Variants in TRMT61B observed in about 807,000 individuals in gnomAD.
TRMT61B encodes tRNA (adenine(58)-N(1))-methyltransferase, mitochondrial.
A neutral mutation model predicts 52.0 loss-of-function variants in TRMT61B; 56 were observed. The observed-to-expected ratio is 1.08, with a 90% CI of 0.87 to 1.35. TRMT61B has a LOEUF of 1.35. Ranked by LOEUF, TRMT61B falls within the 40% of genes most tolerant of loss-of-function variation. The pLI, the probability that TRMT61B is intolerant of heterozygous loss-of-function variation, is 0.00. For missense variants in TRMT61B, 650 were observed against 577.9 expected, an observed-to-expected ratio of 1.12 and a Z score of -1.28; for synonymous variants, 206 against 220.0, an observed-to-expected ratio of 0.94 and a Z score of 0.56.
intron 2 of TRMT61B, among the ~76,000 whole-genome samples, chr2:28,862,204 C>CAA (rs66527180): frequency 5.0e-3 from 326 of 64,964 alleles, no homozygotes; most frequent in Middle Eastern, 8.2e-3. Context: ...GACTCCGTCT[C>CAA]AAAAAAAAAA....
rs1178788518 is a variant in TRMT61B, at chr2:28,861,127, T to C, written c.984A>G (p.Thr328=). 6.3e-7 allele frequency: 1 copy of C among 1,599,564 alleles called. No homozygotes were observed. Among genetic ancestry groups the C allele is most frequent in the East Asian group, 2.2e-5 (1 of 44,630 alleles). The change falls in exon 3 of 7, where the codon ACA becomes ACG. Residue 328 remains threonine (T), a synonymous_variant. Transcript: ENST00000306108. ...SGATEDIKSL[T]FDAVALDMLN... is the part of the protein sequence containing the mutation. ...ACGTTAGAAAACTTACTGCGTCAAA[T>C]GTTAAAGATTTTATGTCTTCGGTTG...
chr2:28,861,754 C>A (rs1005672336), intron 2 of TRMT61B, among the ~76,000 whole-genome samples: 1 of 152,224 alleles, frequency 6.6e-6, no homozygotes, highest in East Asian at 1.9e-4. Flanking sequence ...AATTCTTATA[C>A]CTAAGTCTTT....
intron 1 of TRMT61B, among the ~76,000 whole-genome samples, chr2:28,868,781 G>A (rs1669955818): frequency 6.6e-6 from 1 of 152,238 alleles, no homozygotes; most frequent in Non-Finnish European, 1.5e-5. Context: ...GGGAGGCCGA[G>A]GTGGGCGGAT....
At chr2:28,859,825 T>A (rs745701277) in intron 3 of TRMT61B, among the ~76,000 whole-genome samples, 2 of 152,168 alleles carry the variant, frequency 1.3e-5, no homozygotes, top group African/African-American at 2.4e-5. Flanking sequence ...GACATTCCTA[T>A]GGATGACCTA....
rs1449919596 is a variant in TRMT61B, at chr2:28,851,074, T to G, written c.1310A>C (p.His437Pro). ...VKGELFQEDD[H>P]EESHSDFPYG... ...CATAAAGTAAAACTGAAGCTCACCA[T>G]GGTCATCCTCTTGAAACAGCTCACC... is the stretch of plus-strand genomic sequence containing the variant. Residue 437 changes from histidine (H) to proline (P), a missense_variant and splice_region_variant, in exon 5 of 7, where the codon CAT (histidine) becomes CCT (proline). His to Pro is a moderately conservative substitution (Grantham distance 77). Coordinates refer to ENST00000306108, the MANE Select transcript of TRMT61B (RefSeq NM_017910.4). 8.8e-6 allele frequency: 14 copies of G among 1,597,742 alleles called. No individual in the cohort carries two copies. In the South Asian group the frequency reaches 1.5e-4, roughly 17 times the overall value.
intron 1 of TRMT61B, among the ~76,000 whole-genome samples, chr2:28,866,888 T>C (rs1243143184): frequency 6.6e-6 from 1 of 152,146 alleles, no homozygotes; most frequent in Non-Finnish European, 1.5e-5. Context: ...CTCGAACTTC[T>C]GGGCTCAAGC....
intron 4 of TRMT61B, among the ~76,000 whole-genome samples, chr2:28,852,164 T>C (rs1669136279): frequency 6.6e-6 from 1 of 150,488 alleles, no homozygotes; most frequent in African/African-American, 2.4e-5. Flanking sequence ...ATAGAAAAAA[T>C]CAGCCGGGCG....
chr2:28,863,167 G>A (rs911833603), intron 2 of TRMT61B, among the ~76,000 whole-genome samples: 7 of 152,038 alleles, frequency 4.6e-5, no homozygotes, highest in Non-Finnish European at 8.8e-5. Flanking sequence ...TGGGCGTGGT[G>A]CCCCATGCCT....
rs749528161 is a variant in TRMT61B at position 28,849,946 on chromosome 2, G to A, written c.*253C>T. The A allele has an allele frequency of 1.5e-5, 24 of 1,574,486 alleles. No homozygotes were observed. The highest frequency in any genetic ancestry group is 1.7e-5 in the Non-Finnish European group (20 of 1,161,666). On this transcript the variant is annotated 3_prime_UTR_variant, in exon 7 of 7. Transcript: ENST00000306108. ...TTTACAGGAAGTGAAGAATGAGATG[G>A]CCCAACTAAACCAATTTGGAATCAT...
At position 28,852,516 on chromosome 2, in the gene TRMT61B, G is replaced by C. The variant is rs761718476; in HGVS notation, c.994-17C>G. 1.1e-5 allele frequency: 17 copies of C among 1,525,476 alleles called. No homozygotes were observed. The South Asian group carries it at 1.6e-4, about 15-fold the overall frequency. The allele number at this position is 1,525,476 out of a possible 1,614,324, so 94.5% of individuals were successfully genotyped here. The stretch of plus-strand genomic sequence containing the variant: ...CAAAGCTACCTGTGTGGGGGAAAAA[G>C]AGAACTGGATCAGTCTGATTCCGTT... On this transcript the variant is annotated splice_polypyrimidine_tract_variant and intron_variant, in intron 3 of 6. Transcript: ENST00000306108.
intron 3 of TRMT61B, among the ~76,000 whole-genome samples, chr2:28,858,810 A>G (rs913367079): frequency 1.1e-4 from 17 of 151,056 alleles, no homozygotes; most frequent in Admixed American, 5.3e-4. Flanking sequence ...AAAAAAAAAA[A>G]AAAAAAAAAG....
rs369163969 is a variant in TRMT61B, at chr2:28,865,098, T to C, written c.721A>G (p.Met241Val). Reference sequence around the variant, plus strand: ...GTATCACCTGGGTTGATATCCATCATTGAGAGAATCATATTAATATCCTAT... The same window carrying C: ...GTATCACCTGGGTTGATATCCATCACTGAGAGAATCATATTAATATCCTAT... Reference protein sequence around the residue: ...FPKDINMILSMMDINPGDTVL... With the variant: ...FPKDINMILSVMDINPGDTVL... Residue 241 changes from methionine to valine, a missense_variant, in exon 2 of 7, where the codon ATG becomes GTG. Coordinates refer to ENST00000306108, the MANE Select transcript of TRMT61B (RefSeq NM_017910.4). 8 of 1,609,238 alleles carry C rather than the reference T, an allele frequency of 5.0e-6. No homozygotes were observed. Among genetic ancestry groups the C allele is most frequent in the Non-Finnish European group, 6.0e-6 (7 of 1,175,884 alleles).
chr2:28,869,622 T>C lies in TRMT61B; in HGVS notation c.656A>G (p.Tyr219Cys), dbSNP rs764032722. Residue 219 changes from tyrosine to cysteine, a missense_variant, in exon 1 of 7, where the codon TAT becomes TGT. Coordinates refer to ENST00000306108, the MANE Select transcript of TRMT61B (RefSeq NM_017910.4). ...YMLRRPALED[Y>C]VVLMKRGTAI... ...AGTCCCTCTTTTCATCAATACTACA[T>C]AGTCTTCCAAGGCTGGCCTCCTCAG... 3.6e-5 allele frequency: 58 copies of C among 1,613,908 alleles called. No individual in the cohort carries two copies. Among genetic ancestry groups the C allele is most frequent in the Non-Finnish European group, 4.8e-5 (57 of 1,179,970 alleles).
At chr2:28,852,059 G>GC (rs1270239030) in intron 4 of TRMT61B, among the ~76,000 whole-genome samples, 6 of 150,394 alleles carry the variant, frequency 4.0e-5, no homozygotes, top group Non-Finnish European at 8.9e-5. Context: ...AAGCCTGTAA[G>GC]CCCAGCACCT....
At chr2:28,858,838 TCAG>T (rs1669467221) in intron 3 of TRMT61B, among the ~76,000 whole-genome samples, 1 of 151,450 alleles carries the variant, frequency 6.6e-6, no homozygotes. Context: ...CCGGATTTTT[TCAG>T]CAGGAGAATG....
intron 4 of TRMT61B, 63 bp downstream of exon 4, chr2:28,852,345 T>G: frequency 1.2e-6 from 1 of 846,704 alleles, no homozygotes; most frequent in Non-Finnish European, 1.9e-6. Flanking sequence ...AAATTTAGTT[T>G]GATACTTAAG....
At chr2:28,863,308 A>T (rs1373747034) in intron 2 of TRMT61B, among the ~76,000 whole-genome samples, 1 of 151,516 alleles carries the variant, frequency 6.6e-6, no homozygotes, top group African/African-American at 2.4e-5. Flanking sequence ...GTATGTGCCT[A>T]TTGTCCCACC....
At chr2:28,866,723 C>A (rs1208019127) in intron 1 of TRMT61B, among the ~76,000 whole-genome samples, 2 of 152,120 alleles carry the variant, frequency 1.3e-5, no homozygotes, top group East Asian at 3.8e-4. Flanking sequence ...GACCCACTTG[C>A]CAAACATATA....
chr2:28,868,138 A>T (rs908674423), intron 1 of TRMT61B, among the ~76,000 whole-genome samples: 7 of 152,106 alleles, frequency 4.6e-5, no homozygotes, highest in African/African-American at 1.7e-4. Context: ...TAAAATACAG[A>T]CTGGATTCCT....
Sources: allele counts gnomAD v4.1 joint callset (sites outside exome capture counted in the v4.1 genomes callset), GRCh38; gene constraint gnomAD v4.1.1; transcripts MANE v1.5; gene names NCBI Gene and HGNC (gene_info 2026-07-23, HGNC 2026-07-21).